Variants in TTC7B observed in about 807,000 individuals in gnomAD.
TTC7B encodes the protein tetratricopeptide repeat domain 7B, also known as tetratricopeptide repeat protein 7B.
A neutral mutation model predicts 106.8 loss-of-function variants in TTC7B; 28 were observed. The observed-to-expected ratio is 0.26, with a 90% CI of 0.19 to 0.36. The LOEUF (loss-of-function observed/expected upper bound fraction) is 0.36, where lower values mean the gene tolerates loss of function less well. Among genes scored for constraint, TTC7B ranks in the 10% least tolerant of loss-of-function variants. TTC7B has a pLI of 1.00. For missense variants in TTC7B, 862 were observed against 1,076.4 expected (o/e 0.80, Z 2.79); for synonymous variants, 405 against 430.6 (o/e 0.94, Z 0.74).
intron 9 of TTC7B, among the ~76,000 whole-genome samples, chr14:90,665,680 G>A (rs922198479): frequency 9.2e-5 from 14 of 152,268 alleles, no homozygotes; most frequent in East Asian, 7.7e-4. Flanking sequence ...TGAAGTCTAC[G>A]TCCAAAATTC....
intron 19 of TTC7B, among the ~76,000 whole-genome samples, chr14:90,556,297 T>G (rs931405869): frequency 6.6e-6 from 1 of 152,086 alleles, no homozygotes; most frequent in Non-Finnish European, 1.5e-5. Flanking sequence ...TTCCAGAGTC[T>G]CCAGCCTCCC....
At chr14:90,806,461 C>T (rs968338334) in intron 1 of TTC7B, among the ~76,000 whole-genome samples, 2 of 152,222 alleles carry the variant, frequency 1.3e-5, no homozygotes, top group African/African-American at 4.8e-5. Flanking sequence ...GCCCACCTGC[C>T]CCCTGCACCC....
rs1595136958 is a variant in TTC7B at position 90,531,586 on chromosome 14, T to C, written c.*9782A>G. On this transcript the variant is annotated 3_prime_UTR_variant, in exon 20 of 20. Coordinates refer to ENST00000328459, the MANE Select transcript of TTC7B (RefSeq NM_001010854.2). ...GTGAGTCGAGATTGTGCCATTGCGC[T>C]CCAGCCTGGACAACAAGAGCGAAAC... 7.9e-6 allele frequency: 1 copy of C among 126,052 alleles called. No homozygotes were observed. Among genetic ancestry groups the C allele is most frequent in the Middle Eastern group, 5.7e-3 (1 of 174 alleles). 7.8% of individuals were successfully genotyped at this position (126,052 alleles called of 1,614,324 possible).
chr14:90,622,730 C>T (rs183514077), intron 15 of TTC7B, among the ~76,000 whole-genome samples: 22 of 152,056 alleles, frequency 1.4e-4, no homozygotes, highest in Non-Finnish European at 2.4e-4. Flanking sequence ...GAGACCCTGC[C>T]CCCACTTCCC....
rs10147469 is a variant in TTC7B, at chr14:90,577,325, G to A, written c.2310+781C>T. Among the ~76,000 whole-genome samples, 20,442 of 152,188 alleles carry A rather than the reference G, an allele frequency of 0.13. 1,834 individuals are homozygous for A. The highest frequency in any genetic ancestry group is 0.31 in the East Asian group (1,604 of 5,172). ...CGCAGGAAGATGACAGAGGACTGCC[G>A]AGGCAGCTGCACTAACACACGTTCA... On this transcript the variant is annotated intron_variant, in intron 19 of 19. Coordinates refer to ENST00000328459, the MANE Select transcript of TTC7B (RefSeq NM_001010854.2). The surrounding 1 kb of genome is among the most constrained non-coding windows in gnomAD (Gnocchi z 5.0).
At chr14:90,674,371 C>T (rs1423674273) in intron 9 of TTC7B, among the ~76,000 whole-genome samples, 2 of 152,252 alleles carry the variant, frequency 1.3e-5, no homozygotes, top group African/African-American at 4.8e-5. Context: ...CTTTCTCCTA[C>T]AACATCGACC....
Position 90,539,151 on chromosome 14 carries a change from C to T in TTC7B, c.*2217G>A, listed in dbSNP as rs1963817857. ...TTAAGGCTGGGCCCATGTGTCCATC[C>T]TTGAGCCATGTGGGTGGAGAGTGGG... On this transcript the variant is annotated 3_prime_UTR_variant, in exon 20 of 20. Coordinates refer to ENST00000328459, the MANE Select transcript of TTC7B (RefSeq NM_001010854.2). 6.6e-6 allele frequency: 1 copy of T among 152,310 alleles called. No individual in the cohort carries two copies. Among genetic ancestry groups the T allele is most frequent in the Non-Finnish European group, 1.5e-5 (1 of 68,110 alleles). 9.4% of individuals were successfully genotyped at this position (152,310 alleles called of 1,614,324 possible).
At chr14:90,543,422 G>C (rs554227901) in intron 19 of TTC7B, among the ~76,000 whole-genome samples, 1 of 152,276 alleles carries the variant, frequency 6.6e-6, no homozygotes, top group East Asian at 1.9e-4. Flanking sequence ...CCATCCTAGA[G>C]TGAATTATTA....
intron 1 of TTC7B, among the ~76,000 whole-genome samples, chr14:90,796,971 G>A (rs959121113): frequency 8.0e-5 from 12 of 150,920 alleles, no homozygotes; most frequent in African/African-American, 1.5e-4. Flanking sequence ...TCAGCCTCCC[G>A]AGTAGCTGGG....
chr14:90,657,996 A>T lies in TTC7B; in HGVS notation c.1236+308T>A. On this transcript the variant is annotated intron_variant, in intron 10 of 19. Transcript: ENST00000328459. The surrounding 1 kb of genome is among the most constrained non-coding windows in gnomAD (Gnocchi z 4.2). ...GGTTTCCCCTCCAGGAATCAGCTTA[A>T]CTCTCAGATGAGTGGAGGTGTCTGT... The T allele has an allele frequency of 2.7e-6, 1 of 364,442 alleles. No homozygotes were observed. The highest frequency in any genetic ancestry group is 2.8e-5 in the South Asian group (1 of 35,588). 22.6% of individuals were successfully genotyped at this position (364,442 alleles called of 1,614,324 possible). A position where few individuals can be genotyped will look rare whatever the true frequency, so the allele number is the denominator to read the frequency against.
In TTC7B at chr14:90,602,049, C is replaced by T. The variant is rs184313201; in HGVS notation, c.1967-8423G>A. On this transcript the variant is annotated intron_variant, in intron 17 of 19. Transcript: ENST00000328459. ...TGCTTTTAGGCCAGAAATAAAGGCA[C>T]ATCTAGGTTGAGCTGGATTTCAGAG... The T allele has an allele frequency of 1.7e-4, 77 of 452,168 alleles. 1 individual carries two copies. Among genetic ancestry groups the T allele is most frequent in the Middle Eastern group, 9.8e-4 (3 of 3,052 alleles). 28.0% of individuals were successfully genotyped at this position (452,168 alleles called of 1,614,324 possible).
At position 90,581,559 on chromosome 14, in the gene TTC7B, G is replaced by A. The variant is rs530631930; in HGVS notation, c.2108-3251C>T. 6.6e-5 allele frequency among the ~76,000 whole-genome samples: 10 copies of A among 152,210 alleles called. No individual in the cohort carries two copies. In the South Asian group the frequency reaches 8.3e-4, roughly 13 times the overall value. ...GGACAGAGCGTCCCTCTCATTGCAC[G>A]CCTGGCTCCTGCCTCACTGCCAAGC... On this transcript the variant is annotated intron_variant, in intron 18 of 19. Coordinates refer to ENST00000328459, the MANE Select transcript of TTC7B (RefSeq NM_001010854.2).
intron 3 of TTC7B, among the ~76,000 whole-genome samples, chr14:90,749,246 GT>G (rs902728009): frequency 6.6e-6 from 1 of 151,980 alleles, no homozygotes; most frequent in African/African-American, 2.4e-5. Context: ...ATGGTTTATA[GT>G]TTCCATAAAA....
At chr14:90,622,148 C>T (rs1393791547) in intron 15 of TTC7B, among the ~76,000 whole-genome samples, 5 of 149,398 alleles carry the variant, frequency 3.3e-5, no homozygotes, top group Non-Finnish European at 7.4e-5. Flanking sequence ...GACAGAGTCC[C>T]ACTCTGTTGC....
At chr14:90,617,176 G>A (rs960773188) in intron 16 of TTC7B, among the ~76,000 whole-genome samples, 2 of 152,186 alleles carry the variant, frequency 1.3e-5, no homozygotes, top group African/African-American at 2.4e-5. Flanking sequence ...GCTCTGTAGG[G>A]GTAGAAATTA....
At chr14:90,662,190 C>T (rs952573405) in intron 9 of TTC7B, among the ~76,000 whole-genome samples, 6 of 152,228 alleles carry the variant, frequency 3.9e-5, no homozygotes, top group African/African-American at 7.2e-5. Flanking sequence ...GTGGCACACG[C>T]GTGGCACGCA....
intron 3 of TTC7B, among the ~76,000 whole-genome samples, chr14:90,767,837 G>A (rs530117993): frequency 1.3e-5 from 2 of 152,220 alleles, no homozygotes; most frequent in Non-Finnish European, 2.9e-5. Flanking sequence ...GGGAGAGAAA[G>A]GAGCAGAGAG....
At chr14:90,769,574 TG>T (rs1890795259) in intron 3 of TTC7B, among the ~76,000 whole-genome samples, 1 of 152,190 alleles carries the variant, frequency 6.6e-6, no homozygotes, top group Admixed American at 6.5e-5. Context: ...AAGACCAGCC[TG>T]AGCAACACAG....
intron 3 of TTC7B, among the ~76,000 whole-genome samples, chr14:90,768,209 C>T (rs1218764473): frequency 6.6e-6 from 1 of 152,176 alleles, no homozygotes; most frequent in Admixed American, 6.5e-5. Flanking sequence ...TCCATTTTCA[C>T]ACTGCTATAA....
Sources: allele counts gnomAD v4.1 joint callset (sites outside exome capture counted in the v4.1 genomes callset), GRCh38; gene constraint gnomAD v4.1.1; non-coding constraint Gnocchi (gnomAD v3.1); transcripts MANE v1.5; gene names NCBI Gene and HGNC (gene_info 2026-07-23, HGNC 2026-07-21).